Variants in TPR observed in about 807,000 individuals in gnomAD.
The protein encoded by TPR is translocated promoter region, nuclear basket protein.
Under a neutral mutation model 316.1 loss-of-function variants are expected in TPR, and 51 were observed. That is an observed-to-expected ratio of 0.16 (90% CI 0.13 to 0.20). The LOEUF (loss-of-function observed/expected upper bound fraction) is 0.20. Among genes scored for constraint, TPR ranks in the 10% least tolerant of loss-of-function variants. The pLI is 1.00. For synonymous variants in TPR, 981 were observed against 914.7 expected, an observed-to-expected ratio of 1.07 and a Z score of -1.31; for missense variants, 2,272 against 2,754.8, an observed-to-expected ratio of 0.82 and a Z score of 3.92.
At chr1:186,359,758 T>C (rs1046504715) in intron 12 of TPR, 41 bp downstream of exon 12, 2 of 1,554,652 alleles carry the variant, frequency 1.3e-6, no homozygotes, top group African/African-American at 2.8e-5. Context: ...CATTTCTCAT[T>C]TGTATTGTTA....
chr1:186,346,346 T>C, intron 22 of TPR, 59 bp from the exon 23 acceptor site: 1 of 1,472,090 alleles, frequency 6.8e-7, no homozygotes, highest in South Asian at 1.4e-5. Flanking sequence ...GTCATACAAT[T>C]ATTTTCTCCA....
chr1:186,314,650 G>T lies in TPR; in HGVS notation c.7015C>A (p.Arg2339Ser), dbSNP rs1351339180. ...TCACCTCTCTGTCTGTTAAACTGACGACCACGGACACCTTGTCTCAATGTT... is the reference window on the plus strand; with the variant it reads ...TCACCTCTCTGTCTGTTAAACTGACTACCACGGACACCTTGTCTCAATGTT... ...QTTLRQGVRGRQFNRQRGVSH... is the reference protein window; with the variant it reads ...QTTLRQGVRGSQFNRQRGVSH... The change falls in exon 50 of 51, where the codon CGT becomes AGT. Residue 2339 changes from arginine (R) to serine (S), a missense_variant. Arg to Ser is a moderately radical substitution (Grantham distance 110). Transcript: ENST00000367478. 1 of 1,610,850 alleles carries T rather than the reference G, an allele frequency of 6.2e-7. No homozygotes were observed. Among genetic ancestry groups the T allele is most frequent in the South Asian group, 1.1e-5 (1 of 90,632 alleles).
Position 186,375,148 on chromosome 1 carries a change from C to G in TPR, c.-120G>C, listed in dbSNP as rs1328289362. ...GCCTCTATCACCTCGCTCGGTGGCTCGCGCGCGCCCGCCCGCCGGAGACTC... is the reference window on the plus strand; with the variant it reads ...GCCTCTATCACCTCGCTCGGTGGCTGGCGCGCGCCCGCCCGCCGGAGACTC... On this transcript the variant is annotated 5_prime_UTR_variant, in exon 1 of 51. Coordinates refer to ENST00000367478, the MANE Select transcript of TPR (RefSeq NM_003292.3). 1 of 1,546,140 alleles carries G rather than the reference C, an allele frequency of 6.5e-7. No homozygotes were observed. The highest frequency in any genetic ancestry group is 2.0e-5 in the Admixed American group (1 of 50,480).
intron 21 of TPR, among the ~76,000 whole-genome samples, 159 bp downstream of exon 21, chr1:186,350,064 T>C (rs1251568083): frequency 6.6e-6 from 1 of 152,228 alleles, no homozygotes; most frequent in Non-Finnish European, 1.5e-5. Flanking sequence ...AGGCCCAAAA[T>C]TGAGTACCAC....
At chr1:186,369,095 T>G (rs1392806798) in intron 3 of TPR, among the ~76,000 whole-genome samples, 1 of 152,204 alleles carries the variant, frequency 6.6e-6, no homozygotes, top group Non-Finnish European at 1.5e-5. Flanking sequence ...TCTATTCTAT[T>G]CCATTGGTCA....
At position 186,363,401 on chromosome 1, in the gene TPR, T is replaced by C. The variant is rs756067406; in HGVS notation, c.472A>G (p.Thr158Ala). 3.7e-6 allele frequency: 6 copies of C among 1,612,776 alleles called. No individual in the cohort carries two copies. The highest frequency in any genetic ancestry group is 3.3e-4 in the Middle Eastern group (2 of 6,046). The change falls in exon 5 of 51, where the codon ACA (threonine) becomes GCA (alanine). Residue 158 changes from threonine to alanine, a missense_variant. Thr to Ala is a moderately conservative substitution (Grantham distance 58, BLOSUM62 0). Transcript: ENST00000367478. ...AATTTTAACTGAAGTTCACCCTTTG[T>C]TGTATTGCTTTCTTTAAGTTTTTCA... ...LNEKLKESNT[T>A]KGELQLKLDE...
Position 186,332,272 on chromosome 1 carries a change from A to T in TPR, c.5527T>A (p.Ser1843Thr), listed in dbSNP as rs561555399. 3 of 1,612,880 alleles carry T rather than the reference A, an allele frequency of 1.9e-6. No homozygotes were observed. The South Asian group carries it at 3.3e-5, about 18-fold the overall frequency. The change falls in exon 38 of 51, where the codon TCA (serine) becomes ACA (threonine). Residue 1843 changes from serine (S) to threonine (T), a missense_variant. Physicochemically the swap from Ser to Thr is moderately conservative, Grantham distance 58. Transcript: ENST00000367478. ...EEEEDSTIEA[S>T]DQVSDDTVEM... The stretch of plus-strand genomic sequence containing the variant: ...ACTGTATCATCAGAGACTTGGTCTG[A>T]TGCTTCTATGGTGCTATCCTCTTCC...
intron 21 of TPR, among the ~76,000 whole-genome samples, chr1:186,349,289 C>G (rs984689007): frequency 1.3e-5 from 2 of 152,136 alleles, no homozygotes; most frequent in Admixed American, 6.5e-5. Flanking sequence ...TGCTTTTGCA[C>G]CACAGGTTGA....
intron 6 of TPR, 79 bp downstream of exon 6, chr1:186,362,758 C>T (rs1408463140): frequency 7.8e-7 from 1 of 1,274,330 alleles, no homozygotes; most frequent in African/African-American, 1.5e-5. Context: ...GTACACACTA[C>T]TGAATACATA....
chr1:186,359,171 C>T (rs1225000041), intron 12 of TPR, among the ~76,000 whole-genome samples: 1 of 152,076 alleles, frequency 6.6e-6, no homozygotes, highest in Non-Finnish European at 1.5e-5. Context: ...CTCCATAAAA[C>T]TTGTTCAAGA....
intron 46 of TPR, among the ~76,000 whole-genome samples, chr1:186,319,317 T>A (rs1330802502): frequency 6.6e-6 from 1 of 152,096 alleles, no homozygotes; most frequent in Non-Finnish European, 1.5e-5. Flanking sequence ...CTTAAAGACA[T>A]CCTTTAAACT....
intron 45 of TPR, 40 bp downstream of exon 45, chr1:186,322,278 T>G (rs773470612): frequency 6.5e-7 from 1 of 1,544,634 alleles, no homozygotes; most frequent in East Asian, 2.3e-5. Flanking sequence ...GACTAAAAGT[T>G]TGATTAGTTA....
At chr1:186,314,891 G>A (rs76559138) in intron 49 of TPR, among the ~76,000 whole-genome samples, 167 bp from the exon 50 acceptor site, 28,422 of 151,882 alleles carry the variant, frequency 0.19, 3,014 homozygotes, top group African/African-American at 0.29. Flanking sequence ...CCGAAAAAGG[G>A]TAAATGGTTA....
intron 35 of TPR, 41 bp downstream of exon 35, chr1:186,335,027 T>C: frequency 6.3e-7 from 1 of 1,589,658 alleles, no homozygotes. Flanking sequence ...TCCCTGAGCT[T>C]TAAAAGAAAA....
rs1436839066 is a variant in TPR, at chr1:186,344,434, C to T, written c.3358G>A (p.Ala1120Thr). 1.9e-6 allele frequency: 3 copies of T among 1,614,000 alleles called. No individual in the cohort carries two copies. The highest frequency in any genetic ancestry group is 2.5e-6 in the Non-Finnish European group (3 of 1,180,002). ...TTACACTCCAACAACTGTGATTCTG[C>T]TTTCTGTGTTGTTTCTTCCAAATGC... The part of the protein sequence containing the change: ...RQHLEETTQK[A>T]ESQLLECKAS... The change falls in exon 25 of 51, where the codon GCA (alanine) becomes ACA (threonine). Residue 1120 changes from alanine to threonine, a missense_variant. Physicochemically the swap from Ala to Thr is moderately conservative, Grantham distance 58. Coordinates refer to ENST00000367478, the MANE Select transcript of TPR (RefSeq NM_003292.3).
chr1:186,338,621 G>C (rs1216045894), intron 30 of TPR, among the ~76,000 whole-genome samples: 1 of 152,162 alleles, frequency 6.6e-6, no homozygotes, highest in Non-Finnish European at 1.5e-5. Flanking sequence ...CGGATAGAAT[G>C]TTATGCTTTG....
At chr1:186,343,505 G>A (rs1658575005) in intron 26 of TPR, 32 bp from the exon 27 acceptor site, 2 of 1,582,532 alleles carry the variant, frequency 1.3e-6, no homozygotes, top group Admixed American at 1.8e-5. Flanking sequence ...AATTTTATGT[G>A]AATTTTAAAA....
chr1:186,335,790 A>G (rs551748067), intron 33 of TPR, among the ~76,000 whole-genome samples: 5 of 152,150 alleles, frequency 3.3e-5, no homozygotes, highest in Non-Finnish European at 7.4e-5. Context: ...TCAAAAAGCT[A>G]AAGATCCTAG....
chr1:186,354,834 CG>C (rs1658974482), intron 17 of TPR, among the ~76,000 whole-genome samples: 1 of 152,068 alleles, frequency 6.6e-6, no homozygotes, highest in Non-Finnish European at 1.5e-5. Flanking sequence ...TAAGTCCTAC[CG>C]AAACAAGTCC....
Sources: allele counts gnomAD v4.1 joint callset (sites outside exome capture counted in the v4.1 genomes callset), GRCh38; gene constraint gnomAD v4.1.1; transcripts MANE v1.5; gene names NCBI Gene and HGNC (gene_info 2026-07-23, HGNC 2026-07-21).